The following CXCL13 variants were observed in gnomAD, a reference collection of about 807,000 sequenced individuals.
CXCL13 encodes C-X-C motif chemokine ligand 13, also known as C-X-C motif chemokine 13.
In CXCL13, 7 loss-of-function variants were observed where a neutral mutation model predicts 12.2. The observed-to-expected ratio is 0.57, with a 90% confidence interval of 0.33 to 1.07. The LOEUF is 1.07. CXCL13 is among the 50% of genes least tolerant of loss of function. The pLI, the probability that CXCL13 is intolerant of heterozygous loss-of-function variation, is 0.04. For synonymous variants in CXCL13, 47 were observed against 42.4 expected (o/e 1.11, Z -0.42); for missense variants, 113 against 127.4 (o/e 0.89, Z 0.55).
At chr4:77,578,248 T>C (rs777213352) in intron 1 of CXCL13, among the ~76,000 whole-genome samples, 1 of 152,194 alleles carries the variant, frequency 6.6e-6, no homozygotes, top group Non-Finnish European at 1.5e-5. Context: ...TTCTCACCTT[T>C]AGACTATCAA....
chr4:77,569,710 T>G (rs1334656419), intron 1 of CXCL13, among the ~76,000 whole-genome samples: 1 of 152,210 alleles, frequency 6.6e-6, no homozygotes, highest in African/African-American at 2.4e-5. Context: ...CCAAAGCAAT[T>G]GATAGATTCA....
intron 1 of CXCL13, among the ~76,000 whole-genome samples, chr4:77,556,448 G>C (rs1331150858): frequency 5.3e-5 from 8 of 152,092 alleles, no homozygotes; most frequent in African/African-American, 1.9e-4. Flanking sequence ...CTGGTGGTTG[G>C]GGGTGGTATT....
intron 1 of CXCL13, among the ~76,000 whole-genome samples, chr4:77,588,783 T>A (rs1726541632): frequency 2.0e-5 from 3 of 152,188 alleles, no homozygotes; most frequent in African/African-American, 7.2e-5. Flanking sequence ...CAACCCTCCC[T>A]TCTCAAGCAT....
chr4:77,561,073 T>C (rs185577815), intron 1 of CXCL13, among the ~76,000 whole-genome samples: 6 of 152,318 alleles, frequency 3.9e-5, no homozygotes, highest in Admixed American at 3.3e-4. Context: ...TAATTAAACT[T>C]TTTCTGTTTT....
intron 1 of CXCL13, among the ~76,000 whole-genome samples, chr4:77,515,758 G>T (rs542908434): frequency 1.3e-5 from 2 of 152,330 alleles, no homozygotes; most frequent in East Asian, 3.9e-4. Flanking sequence ...TGCCAACAGG[G>T]ACAATTTGAC....
At chr4:77,520,261 G>C (rs1446413712) in intron 1 of CXCL13, among the ~76,000 whole-genome samples, 1 of 152,144 alleles carries the variant, frequency 6.6e-6, no homozygotes, top group African/African-American at 2.4e-5. Flanking sequence ...GAAAGTCATT[G>C]GTAGCTTGAT....
rs547990703 is a variant in CXCL13 at position 77,551,672 on chromosome 4, T to C, written c.-43+39884T>C. 2.6e-5 allele frequency among the ~76,000 whole-genome samples: 4 copies of C among 152,346 alleles called. No homozygotes were observed. In the South Asian group the frequency reaches 8.3e-4, roughly 32 times the overall value. ...AGATAAGGGAAATGTTCTTGAATTG[T>C]TCCCTGAAATACGTTTATTTTCTTT... is the stretch of plus-strand genomic sequence containing the variant. On this transcript the variant is annotated intron_variant, in intron 1 of 4. Coordinates refer to the CXCL13 transcript ENST00000286758.
At chr4:77,518,251 G>A (rs568843723) in intron 1 of CXCL13, among the ~76,000 whole-genome samples, 1 of 152,194 alleles carries the variant, frequency 6.6e-6, no homozygotes, top group East Asian at 1.9e-4. Context: ...TTCAACTTTG[G>A]TAAATCTGAC....
intron 1 of CXCL13, among the ~76,000 whole-genome samples, chr4:77,589,287 G>C (rs1726551868): frequency 1.3e-5 from 2 of 152,066 alleles, no homozygotes; most frequent in Non-Finnish European, 2.9e-5. Flanking sequence ...ATCCCATCTG[G>C]GACACTAATC....
chr4:77,603,596 C>T (rs886786538), upstream of CXCL13, among the ~76,000 whole-genome samples: 2 of 152,146 alleles, frequency 1.3e-5, no homozygotes, highest in African/African-American at 4.8e-5. Flanking sequence ...GAGAGAGTTT[C>T]AAACTGTTAT....
At chr4:77,608,495 T>C (rs1471403669) in intron 2 of CXCL13, among the ~76,000 whole-genome samples, 17 of 152,090 alleles carry the variant, frequency 1.1e-4, no homozygotes, top group Admixed American at 1.0e-3. Context: ...CATTCACATT[T>C]TCCCCGTTGC....
upstream of CXCL13, among the ~76,000 whole-genome samples, chr4:77,602,176 A>T (rs1183672147): frequency 6.6e-6 from 1 of 152,238 alleles, no homozygotes; most frequent in Non-Finnish European, 1.5e-5. Flanking sequence ...ATTGTCAGAT[A>T]CTTTGTCCAA....
intron 1 of CXCL13, among the ~76,000 whole-genome samples, chr4:77,593,141 CCAA>C (rs758083675): frequency 1.4e-4 from 22 of 152,146 alleles, no homozygotes; most frequent in Non-Finnish European, 2.2e-4. Flanking sequence ...TCTTCCCACA[CCAA>C]CAAGGTAAGA....
At chr4:77,534,171 G>T (rs1174695506) in intron 1 of CXCL13, among the ~76,000 whole-genome samples, 2 of 151,848 alleles carry the variant, frequency 1.3e-5, no homozygotes, top group African/African-American at 2.4e-5. Context: ...CGACCATCTT[G>T]GTTCCACCTG....
chr4:77,562,191 G>GC (rs1419097580), intron 1 of CXCL13, among the ~76,000 whole-genome samples: 3 of 46,838 alleles, frequency 6.4e-5, no homozygotes, highest in East Asian at 5.3e-4. Flanking sequence ...CATCACTGCA[G>GC]CCCCCCGCCC....
intron 1 of CXCL13, among the ~76,000 whole-genome samples, chr4:77,519,598 T>C (rs951440747): frequency 6.6e-6 from 1 of 152,244 alleles, no homozygotes; most frequent in Non-Finnish European, 1.5e-5. Flanking sequence ...GAGTTCTTTG[T>C]AGATTCTGGA....
intron 1 of CXCL13, among the ~76,000 whole-genome samples, chr4:77,586,528 A>G (rs1432130480): frequency 6.6e-6 from 1 of 152,168 alleles, no homozygotes; most frequent in Non-Finnish European, 1.5e-5. Flanking sequence ...GATGATTTAG[A>G]ATTCCACTGT....
chr4:77,586,095 C>A (rs578212775), intron 1 of CXCL13, among the ~76,000 whole-genome samples: 1 of 152,102 alleles, frequency 6.6e-6, no homozygotes, highest in South Asian at 2.1e-4. Flanking sequence ...TCAGGCTGTG[C>A]AGTTTTATAA....
chr4:77,562,388 G>T (rs1320684764), intron 1 of CXCL13, among the ~76,000 whole-genome samples: 1 of 152,028 alleles, frequency 6.6e-6, no homozygotes, highest in Non-Finnish European at 1.5e-5. Context: ...TCCACCAGGT[G>T]AAGCCAGCTG....
Sources: gnomAD v4.1 joint callset for allele counts (sites outside exome capture counted in the v4.1 genomes callset) on GRCh38, gnomAD v4.1.1 for gene constraint, MANE v1.5 for transcripts, NCBI Gene and HGNC (gene_info 2026-07-23, HGNC 2026-07-21) for gene names.